Variants in AGMO observed in about 807,000 individuals in gnomAD.
AGMO encodes glyceryl-ether monooxygenase.
A neutral mutation model predicts 60.2 loss-of-function variants in AGMO; 75 were observed. That is an observed-to-expected ratio of 1.25 (90% CI 1.03 to 1.51). The LOEUF (loss-of-function observed/expected upper bound fraction) is 1.51, where lower values mean the gene tolerates loss of function less well. Ranked by LOEUF, AGMO falls within the 40% of genes most tolerant of loss-of-function variation. The pLI is 0.00. For synonymous variants in AGMO, 261 were observed against 177.1 expected, an observed-to-expected ratio of 1.47 and a Z score of -3.76; for missense variants, 763 against 525.5, an observed-to-expected ratio of 1.45 and a Z score of -4.42.
intron 12 of AGMO, among the ~76,000 whole-genome samples, chr7:15,277,795 C>T (rs1309470532): frequency 6.6e-6 from 1 of 152,274 alleles, no homozygotes; most frequent in East Asian, 1.9e-4. Flanking sequence ...ATAGAGGTGT[C>T]CATTGTGCCC....
intron 12 of AGMO, among the ~76,000 whole-genome samples, chr7:15,346,743 T>C (rs546778346): frequency 1.3e-5 from 2 of 152,052 alleles, no homozygotes; most frequent in South Asian, 2.1e-4. Flanking sequence ...CTAAGTAATA[T>C]ATGGCTTTGG....
chr7:15,384,912 CA>C (rs547733961), intron 10 of AGMO, among the ~76,000 whole-genome samples: 7 of 142,490 alleles, frequency 4.9e-5, no homozygotes, highest in African/African-American at 7.8e-5. Flanking sequence ...CTTTTGTGGC[CA>C]AAAAAAAATG....
chr7:15,252,969 T>C (rs1314163993), intron 12 of AGMO, among the ~76,000 whole-genome samples: 3 of 152,022 alleles, frequency 2.0e-5, no homozygotes, highest in Non-Finnish European at 4.4e-5. Flanking sequence ...TAAAATAAAT[T>C]GAGAACCCCT....
chr7:15,322,605 TATATATAAATATATAAATATATATAA>T (rs1781181214), intron 12 of AGMO, among the ~76,000 whole-genome samples: 4 of 40,484 alleles, frequency 9.9e-5, no homozygotes, highest in Non-Finnish European at 1.6e-4. Context: ...TATATATAAA[TATATATAAATATATAAATATATATAA>T]ATATATATAA....
chr7:15,142,751 T>C, the AGMO span, among the ~76,000 whole-genome samples: 1 of 152,138 alleles, frequency 6.6e-6, no homozygotes, highest in African/African-American at 2.4e-5. Flanking sequence ...CTTAGTGAAG[T>C]AAGGGAGAAT....
intron 5 of AGMO, among the ~76,000 whole-genome samples, chr7:15,416,019 CT>C (rs948110556): frequency 5.8e-5 from 8 of 138,054 alleles, no homozygotes; most frequent in African/African-American, 1.3e-4. Context: ...TTTTTCTTTT[CT>C]TTTTTTCTTT....
chr7:15,507,269 A>G (rs942280713), intron 3 of AGMO, among the ~76,000 whole-genome samples: 3 of 152,100 alleles, frequency 2.0e-5, no homozygotes, highest in Admixed American at 6.6e-5. Context: ...AAAATTATCA[A>G]CATAGGGATG....
intron 3 of AGMO, among the ~76,000 whole-genome samples, chr7:15,490,996 G>A (rs760054428): frequency 2.2e-4 from 34 of 152,164 alleles, no homozygotes; most frequent in Middle Eastern, 3.2e-3. Context: ...CCAGGACTTT[G>A]TGCCAAGTAG....
At chr7:15,253,617 C>A (rs910572324) in intron 12 of AGMO, among the ~76,000 whole-genome samples, 5 of 151,992 alleles carry the variant, frequency 3.3e-5, no homozygotes, top group Non-Finnish European at 7.4e-5. Context: ...GTGTTGTTTC[C>A]ATATGTCTAC....
intron 3 of AGMO, among the ~76,000 whole-genome samples, chr7:15,524,145 A>T (rs1784066443): frequency 6.6e-6 from 1 of 152,064 alleles, no homozygotes; most frequent in Admixed American, 6.5e-5. Flanking sequence ...ATAGAAGTAT[A>T]AATATGAAAG....
At chr7:15,474,416 T>C (rs1039131501) in intron 3 of AGMO, among the ~76,000 whole-genome samples, 6 of 152,110 alleles carry the variant, frequency 3.9e-5, no homozygotes, top group African/African-American at 1.4e-4. Flanking sequence ...AACCATCTGA[T>C]CTTTGACAAA....
the AGMO span, among the ~76,000 whole-genome samples, chr7:15,121,990 T>C: frequency 6.6e-6 from 1 of 152,008 alleles, no homozygotes; most frequent in Non-Finnish European, 1.5e-5. Flanking sequence ...TCAGGACATA[T>C]GCATGGACAA....
At chr7:15,299,551 T>A (rs1784499659) in intron 12 of AGMO, among the ~76,000 whole-genome samples, 1 of 152,040 alleles carries the variant, frequency 6.6e-6, no homozygotes, top group Non-Finnish European at 1.5e-5. Context: ...TATGGCCAGG[T>A]GCGGTGGCTC....
the AGMO span, among the ~76,000 whole-genome samples, chr7:15,173,170 A>T: frequency 6.6e-6 from 1 of 152,164 alleles, no homozygotes; most frequent in Non-Finnish European, 1.5e-5. Flanking sequence ...ATATTTATTG[A>T]AGTAAATCTA....
At chr7:15,219,268 C>T (rs1012910570) in intron 12 of AGMO, among the ~76,000 whole-genome samples, 3 of 152,062 alleles carry the variant, frequency 2.0e-5, no homozygotes, top group African/African-American at 7.2e-5. Context: ...GTGCTGTGTG[C>T]AGTAGAGACA....
chr7:15,317,868 C>T (rs1386192031), intron 12 of AGMO, among the ~76,000 whole-genome samples: 6 of 143,050 alleles, frequency 4.2e-5, no homozygotes, highest in Admixed American at 1.4e-4. Context: ...CACACACACA[C>T]GTATATATAT....
At chr7:15,159,312 A>G in the AGMO span, among the ~76,000 whole-genome samples, 1 of 152,172 alleles carries the variant, frequency 6.6e-6, no homozygotes, top group Non-Finnish European at 1.5e-5. Context: ...CTTTTCAAAT[A>G]TCTCAAAGTT....
chr7:15,390,924 G>GA lies in AGMO; in HGVS notation c.677-20dup. 1 of 1,522,092 alleles carries GA rather than the reference G, an allele frequency of 6.6e-7. No individual in the cohort carries two copies. Among genetic ancestry groups the GA allele is most frequent in the South Asian group, 1.2e-5 (1 of 81,178 alleles). 94.3% of individuals were successfully genotyped at this position (1,522,092 alleles called of 1,614,324 possible). A position where few individuals can be genotyped will look rare whatever the true frequency, so the allele number is the denominator to read the frequency against. Reference sequence around the variant, plus strand: ...TTTCTGCCTATGAGACAAAATATTAGAAATTTTTTTTCAGAAAAATAGTTA... The same window carrying GA: ...TTTCTGCCTATGAGACAAAATATTAGAAAATTTTTTTTCAGAAAAATAGTTA... On this transcript the variant is annotated intron_variant, in intron 6 of 12. Coordinates refer to ENST00000342526, the MANE Select transcript of AGMO (RefSeq NM_001004320.2).
the AGMO span, among the ~76,000 whole-genome samples, chr7:15,153,709 T>C: frequency 6.6e-6 from 1 of 152,216 alleles, no homozygotes; most frequent in Non-Finnish European, 1.5e-5. Context: ...CCTATTTTTA[T>C]ACCAGAACCA....
Sources: gnomAD v4.1 joint callset for allele counts (sites outside exome capture counted in the v4.1 genomes callset) on GRCh38, gnomAD v4.1.1 for gene constraint, MANE v1.5 for transcripts, NCBI Gene and HGNC (gene_info 2026-07-23, HGNC 2026-07-21) for gene names.